The following RNF17 variants were observed in gnomAD, a reference collection of about 807,000 sequenced individuals.
The protein encoded by RNF17 is spermatogenesis associated 23.
In RNF17, 31 loss-of-function variants were observed where a neutral mutation model predicts 200.5. The ratio of observed to expected loss-of-function variants is 0.15; its 90% CI spans 0.12 to 0.21. RNF17 has a LOEUF of 0.21. Among genes scored for constraint, RNF17 ranks in the 10% least tolerant of loss-of-function variants. The pLI, the probability that RNF17 is intolerant of heterozygous loss-of-function variation, is 1.00. For synonymous variants in RNF17, 606 were observed against 637.8 expected (o/e 0.95, Z 0.75); for missense variants, 1,628 against 1,905.1 (o/e 0.85, Z 2.71).
At chr13:24,831,591 A>G (rs1049622907) in intron 17 of RNF17, among the ~76,000 whole-genome samples, 32 of 152,228 alleles carry the variant, frequency 2.1e-4, no homozygotes, top group African/African-American at 5.8e-4. Flanking sequence ...TTTACAAGTA[A>G]TTAATGTATC....
intron 15 of RNF17, among the ~76,000 whole-genome samples, chr13:24,818,025 G>C (rs1381066438): frequency 6.6e-6 from 1 of 152,008 alleles, no homozygotes; most frequent in African/African-American, 2.4e-5. Flanking sequence ...TGTGTATATA[G>C]CTATAAATTT....
intron 33 of RNF17, among the ~76,000 whole-genome samples, chr13:24,875,942 G>A (rs1894811951): frequency 6.6e-6 from 1 of 152,220 alleles, no homozygotes; most frequent in Non-Finnish European, 1.5e-5. Flanking sequence ...CCACCACAGT[G>A]CTCCTGCTCA....
chr13:24,781,754 T>C, intron 5 of RNF17, 90 bp from the exon 6 acceptor site: 1 of 833,996 alleles, frequency 1.2e-6, no homozygotes, highest in Non-Finnish European at 1.9e-6. Context: ...TTGAAGAGTC[T>C]AGAAAGTACC....
intron 2 of RNF17, among the ~76,000 whole-genome samples, chr13:24,774,331 T>G (rs1428901402): frequency 1.3e-5 from 2 of 152,202 alleles, no homozygotes; most frequent in African/African-American, 4.8e-5. Context: ...TGCCTCAGCC[T>G]CCCTAGTAGC....
At chr13:24,828,965 C>T (rs1043714506) in intron 16 of RNF17, among the ~76,000 whole-genome samples, 9 of 151,550 alleles carry the variant, frequency 5.9e-5, no homozygotes, top group Non-Finnish European at 1.2e-4. Flanking sequence ...CTTGCCACCA[C>T]GCCTGGCTAA....
intron 17 of RNF17, 79 bp downstream of exon 17, chr13:24,830,678 A>G (rs1889287091): frequency 3.0e-6 from 3 of 1,000,138 alleles, no homozygotes; most frequent in Admixed American, 4.2e-5. Context: ...TTGTCATCAT[A>G]GAAATGTTAG....
chr13:24,762,369 T>TA (rs370600110), upstream of RNF17, among the ~76,000 whole-genome samples: 12,825 of 112,470 alleles, frequency 0.11, 917 homozygotes, highest in Non-Finnish European at 0.15. Flanking sequence ...ACTCCATTTC[T>TA]AAAAAAAAAA....
the RNF17 span, among the ~76,000 whole-genome samples, chr13:24,749,173 T>C: frequency 6.6e-6 from 1 of 152,218 alleles, no homozygotes; most frequent in Non-Finnish European, 1.5e-5. Flanking sequence ...TTTTTAAAAA[T>C]TACTGAACCT....
chr13:24,855,533 C>T lies in RNF17; in HGVS notation c.3610+1389C>T, dbSNP rs1593444180. Among the ~76,000 whole-genome samples the T allele has an allele frequency of 2.0e-5, 3 of 151,922 alleles. No individual in the cohort carries two copies. In the East Asian group the frequency reaches 5.8e-4, roughly 29 times the overall value. ...ATCCCAGCTACTCAGGAGGCTGAGG[C>T]AGGAGAATCATTTGAACCCGGGAGG... On this transcript the variant is annotated intron_variant, in intron 25 of 35. Transcript: ENST00000255324.
chr13:24,884,108 A>G, downstream of RNF17: 3 of 1,606,784 alleles, frequency 1.9e-6, no homozygotes, highest in South Asian at 1.1e-5. Flanking sequence ...GTTACAGTAA[A>G]TATTTTTTGA....
chr13:24,885,878 C>G, the RNF17 span: 1 of 564,070 alleles, frequency 1.8e-6, no homozygotes, highest in Admixed American at 3.0e-5. Context: ...TATCTTGTCT[C>G]AGAGTTTACA....
chr13:24,877,055 T>A lies in RNF17; in HGVS notation c.4642T>A (p.Leu1548Met). The stretch of plus-strand genomic sequence containing the variant: ...TCCAGCTCGAGCCATAAAGGTTCTC[T>A]TGGCAGGGTTTAAACCTCCCTTAAG... Reference protein sequence around the residue: ...RYPARAIKVLLAGFKPPLRDL... With the variant: ...RYPARAIKVLMAGFKPPLRDL... Residue 1548 changes from leucine (L) to methionine (M), a missense_variant, in exon 34 of 36, where the codon TTG becomes ATG. Leu to Met is a conservative substitution (Grantham distance 15). Coordinates refer to ENST00000255324, the MANE Select transcript of RNF17 (RefSeq NM_031277.3). The A allele has an allele frequency of 1.9e-6, 3 of 1,613,288 alleles. No individual in the cohort carries two copies. The highest frequency in any genetic ancestry group is 1.7e-6 in the Non-Finnish European group (2 of 1,179,770).
the RNF17 span, chr13:24,886,298 A>C: frequency 7.8e-7 from 1 of 1,288,996 alleles, no homozygotes; most frequent in Non-Finnish European, 1.0e-6. Flanking sequence ...ACAGAGCTGG[A>C]TGTTACGGGA....
At chr13:24,873,807 A>G (rs1183203452) in intron 32 of RNF17, among the ~76,000 whole-genome samples, 1 of 152,184 alleles carries the variant, frequency 6.6e-6, no homozygotes, top group Non-Finnish European at 1.5e-5. Flanking sequence ...GAGTGAGAAC[A>G]TGCGATATTT....
Position 24,800,449 on chromosome 13 carries a change from C to T in RNF17, c.1673C>T (p.Ser558Phe), listed in dbSNP as rs1885109446. Residue 558 changes from serine (S) to phenylalanine (F), a missense_variant, in exon 13 of 36, where the codon TCT (serine) becomes TTT (phenylalanine). By Grantham distance (155) the Ser-to-Phe change is radical (BLOSUM62 -2). Around this residue, in one of 5 missense-constraint regions of RNF17, gnomAD observed 289 missense variants for 384.9 expected, o/e 0.75. Transcript: ENST00000255324. ...GATTTATGTCTGGTTCTAAGGAAAT[C>T]TGAACCATATACTGAAGGGCTGCTA... ...LNDLCLVLRK[S>F]EPYTEGLLKD... 6.2e-7 allele frequency: 1 copy of T among 1,612,826 alleles called. No homozygotes were observed. The highest frequency in any genetic ancestry group is 1.3e-5 in the African/African-American group (1 of 74,864).
At chr13:24,784,269 G>A (rs1196225038) in intron 6 of RNF17, among the ~76,000 whole-genome samples, 1 of 152,166 alleles carries the variant, frequency 6.6e-6, no homozygotes, top group African/African-American at 2.4e-5. Flanking sequence ...AATTTGGTTT[G>A]CTAGTTTGTC....
intron 3 of RNF17, among the ~76,000 whole-genome samples, chr13:24,775,692 A>G (rs1881464040): frequency 6.6e-6 from 1 of 152,248 alleles, no homozygotes; most frequent in Admixed American, 6.5e-5. Context: ...AAGACTTTAT[A>G]CATGTATGCA....
intron 1 of RNF17, among the ~76,000 whole-genome samples, chr13:24,764,893 GT>G (rs1216383566): frequency 3.4e-4 from 11 of 32,108 alleles, no homozygotes; most frequent in African/African-American, 1.2e-3. Flanking sequence ...TGTGGGGTGT[GT>G]GTGTGTGTGT....
In RNF17 at chr13:24,843,683, G is replaced by C; in HGVS notation, c.2604-61G>C. On this transcript the variant is annotated intron_variant, in intron 19 of 35. Coordinates refer to ENST00000255324, the MANE Select transcript of RNF17 (RefSeq NM_031277.3). ...ATCATCACAGTCAAGATACAGACCT[G>C]AGCAAATGCAAACAAATATTTTGCA... The C allele has an allele frequency of 5.1e-6, 5 of 980,870 alleles. No individual in the cohort carries two copies. In the South Asian group the frequency reaches 5.5e-5, roughly 11 times the overall value. 60.8% of individuals were successfully genotyped at this position (980,870 alleles called of 1,614,324 possible). A position where few individuals can be genotyped will look rare whatever the true frequency, so the allele number is the denominator to read the frequency against.
Sources: allele counts gnomAD v4.1 joint callset (sites outside exome capture counted in the v4.1 genomes callset), GRCh38; gene constraint gnomAD v4.1.1; regional missense constraint gnomAD v4.1.1; transcripts MANE v1.5; gene names NCBI Gene and HGNC (gene_info 2026-07-23, HGNC 2026-07-21).